The following SMAP1 variants were observed in gnomAD, a reference collection of about 807,000 sequenced individuals.
SMAP1 encodes stromal membrane-associated protein 1.
In SMAP1, 24 loss-of-function variants were observed where a neutral mutation model predicts 58.5. The ratio of observed to expected loss-of-function variants is 0.41; its 90% CI spans 0.30 to 0.58. The LOEUF (loss-of-function observed/expected upper bound fraction) is 0.58, where lower values mean the gene tolerates loss of function less well. Ranked by LOEUF, SMAP1 falls within the 20% of genes least tolerant of loss-of-function variation. SMAP1 has a pLI of 0.29. For synonymous variants in SMAP1, 216 were observed against 196.6 expected (o/e 1.10, Z -0.82); for missense variants, 563 against 566.3 (o/e 0.99, Z 0.06).
intron 1 of SMAP1, among the ~76,000 whole-genome samples, chr6:70,670,642 GTTTTC>G (rs1323430803): frequency 6.6e-6 from 1 of 152,140 alleles, no homozygotes; most frequent in African/African-American, 2.4e-5. Context: ...ATGTATTGAT[GTTTTC>G]TTCACTGTCT....
intron 1 of SMAP1, among the ~76,000 whole-genome samples, chr6:70,700,367 C>T (rs889192340): frequency 6.6e-6 from 1 of 152,216 alleles, no homozygotes; most frequent in Non-Finnish European, 1.5e-5. Flanking sequence ...GGCATGATCT[C>T]GGTTCACTGC....
At chr6:70,674,088 T>A (rs1766378565) in intron 1 of SMAP1, among the ~76,000 whole-genome samples, 1 of 152,126 alleles carries the variant, frequency 6.6e-6, no homozygotes, top group South Asian at 2.1e-4. Flanking sequence ...CGATATACTT[T>A]ATAAACTCAA....
chr6:70,679,020 G>GTT (rs531088508), intron 1 of SMAP1, among the ~76,000 whole-genome samples: 5 of 137,164 alleles, frequency 3.6e-5, no homozygotes, highest in African/African-American at 8.0e-5. Flanking sequence ...TAGATTTTTT[G>GTT]TTTTTTTTTT....
chr6:70,707,346 T>C (rs1767880466), intron 1 of SMAP1, among the ~76,000 whole-genome samples: 1 of 152,160 alleles, frequency 6.6e-6, no homozygotes, highest in Admixed American at 6.6e-5. Flanking sequence ...AATAAAACTT[T>C]TATATTATCC....
intron 1 of SMAP1, among the ~76,000 whole-genome samples, chr6:70,685,045 G>A (rs1337450950): frequency 6.6e-6 from 1 of 152,128 alleles, no homozygotes. Flanking sequence ...AGGGTTGTGA[G>A]GATTAACTGA....
chr6:70,731,501 G>A (rs942776201), intron 1 of SMAP1, among the ~76,000 whole-genome samples: 3 of 152,138 alleles, frequency 2.0e-5, no homozygotes, highest in Non-Finnish European at 2.9e-5. Flanking sequence ...GCAATTGAGT[G>A]CTACTATTGC....
intron 1 of SMAP1, among the ~76,000 whole-genome samples, chr6:70,677,501 C>A (rs1450845654): frequency 1.7e-5 from 2 of 120,678 alleles, no homozygotes; most frequent in African/African-American, 6.4e-5. Flanking sequence ...TCATTGCAAA[C>A]TCTGCCTGCC....
chr6:70,697,469 C>A (rs1184534774), intron 1 of SMAP1, among the ~76,000 whole-genome samples: 1 of 152,006 alleles, frequency 6.6e-6, no homozygotes, highest in Non-Finnish European at 1.5e-5. Context: ...CCACACCCAG[C>A]TAATTTTTTT....
chr6:70,739,989 T>G (rs1765751356), intron 2 of SMAP1, among the ~76,000 whole-genome samples: 1 of 152,176 alleles, frequency 6.6e-6, no homozygotes, highest in Non-Finnish European at 1.5e-5. Context: ...TTTTATATGT[T>G]TTTTCATCAC....
intron 2 of SMAP1, among the ~76,000 whole-genome samples, chr6:70,739,530 T>TAAATATA: frequency 6.6e-6 from 1 of 152,158 alleles, no homozygotes; most frequent in African/African-American, 2.4e-5. Flanking sequence ...ACTATATATT[T>TAAATATA]AAATATAAAG....
intron 3 of SMAP1, among the ~76,000 whole-genome samples, chr6:70,764,708 G>A (rs912044944): frequency 2.0e-5 from 3 of 152,184 alleles, no homozygotes; most frequent in Non-Finnish European, 4.4e-5. Flanking sequence ...TAACCCAAGA[G>A]CTCTGATGGA....
At chr6:70,855,137 G>T (rs1041864146) in intron 8 of SMAP1, among the ~76,000 whole-genome samples, 3 of 133,760 alleles carry the variant, frequency 2.2e-5, no homozygotes, top group Admixed American at 7.5e-5. Flanking sequence ...ATACACAAGG[G>T]CTAAGTCCTG....
intron 4 of SMAP1, among the ~76,000 whole-genome samples, chr6:70,784,303 C>T (rs558920813): frequency 2.8e-4 from 43 of 151,968 alleles, no homozygotes; most frequent in African/African-American, 9.4e-4. Context: ...CTGAAGGAAG[C>T]ACTAAACATG....
At chr6:70,685,469 AG>A (rs1256436307) in intron 1 of SMAP1, among the ~76,000 whole-genome samples, 1 of 152,184 alleles carries the variant, frequency 6.6e-6, no homozygotes, top group African/African-American at 2.4e-5. Context: ...ATTCAGAGAA[AG>A]TAAAAATCAC....
At chr6:70,769,501 A>T (rs918672666) in intron 3 of SMAP1, among the ~76,000 whole-genome samples, 9 of 152,140 alleles carry the variant, frequency 5.9e-5, no homozygotes, top group Admixed American at 5.2e-4. Flanking sequence ...CTTTACCATT[A>T]TGTAATGGCC....
At chr6:70,757,093 G>A (rs1274300238) in intron 3 of SMAP1, among the ~76,000 whole-genome samples, 1 of 152,104 alleles carries the variant, frequency 6.6e-6, no homozygotes, top group South Asian at 2.1e-4. Flanking sequence ...AAAGCTGGAG[G>A]CATCACACTA....
At chr6:70,809,756 A>G (rs1336969970) in intron 6 of SMAP1, among the ~76,000 whole-genome samples, 1 of 152,208 alleles carries the variant, frequency 6.6e-6, no homozygotes, top group East Asian at 1.9e-4. Flanking sequence ...CTCACAGAAC[A>G]TTTGTATAAG....
intron 4 of SMAP1, among the ~76,000 whole-genome samples, chr6:70,773,839 A>G (rs1168171939): frequency 6.6e-6 from 1 of 152,188 alleles, no homozygotes; most frequent in Non-Finnish European, 1.5e-5. Context: ...ATATTAAAAG[A>G]TGGCATTTAC....
At chr6:70,827,577 T>C (rs1770188114) in intron 6 of SMAP1, among the ~76,000 whole-genome samples, 1 of 152,232 alleles carries the variant, frequency 6.6e-6, no homozygotes, top group Non-Finnish European at 1.5e-5. Flanking sequence ...TTTGTAATTA[T>C]CCAAATGTAA....
Sources: allele counts gnomAD v4.1 joint callset (sites outside exome capture counted in the v4.1 genomes callset), GRCh38; gene constraint gnomAD v4.1.1; transcripts MANE v1.5; gene names NCBI Gene and HGNC (gene_info 2026-07-23, HGNC 2026-07-21).